The following XPR1 variants were observed in gnomAD, a reference collection of about 807,000 sequenced individuals.
XPR1 encodes the protein xenotropic and polytropic retrovirus receptor 1, also known as solute carrier family 53 member 1.
A neutral mutation model predicts 87.5 loss-of-function variants in XPR1; 28 were observed. The observed-to-expected ratio is 0.32, with a 90% CI of 0.24 to 0.44. The LOEUF is 0.44. XPR1 is among the 20% of genes least tolerant of loss of function. The pLI is 1.00. For synonymous variants in XPR1, 300 were observed against 306.1 expected, an observed-to-expected ratio of 0.98 and a Z score of 0.21; for missense variants, 559 against 862.3, an observed-to-expected ratio of 0.65 and a Z score of 4.41.
At chr1:180,661,174 CT>C (rs1557944822) in intron 1 of XPR1, among the ~76,000 whole-genome samples, 1 of 151,824 alleles carries the variant, frequency 6.6e-6, no homozygotes, top group African/African-American at 2.4e-5. Context: ...TACTCCTGCT[CT>C]TTTTTGGTTT....
At chr1:180,784,881 C>T (rs1204583174) in intron 2 of XPR1, among the ~76,000 whole-genome samples, 2 of 151,876 alleles carry the variant, frequency 1.3e-5, no homozygotes, top group South Asian at 2.1e-4. Flanking sequence ...CTTTTAATTA[C>T]AGTAGTTTAC....
rs200959925 is a variant in XPR1 at position 180,784,054 on chromosome 1, T to TA, written c.122-3690dup. 7.2e-4 allele frequency among the ~76,000 whole-genome samples: 109 copies of TA among 150,842 alleles called. 1 individual carries two copies. In the East Asian group the frequency reaches 0.012, roughly 17 times the overall value. ...TGGGTGACAGAGCAAGACTCTGTCT[T>TA]AAAAAAAAACAAATGGTGAATGAAT... On this transcript the variant is annotated intron_variant, in intron 2 of 14. Transcript: ENST00000367590.
chr1:180,817,367 T>C (rs1019091659), intron 7 of XPR1, among the ~76,000 whole-genome samples: 33 of 152,202 alleles, frequency 2.2e-4, no homozygotes, highest in African/African-American at 7.7e-4. Context: ...AATAGTGTAA[T>C]GTCCTAGGTC....
chr1:180,656,399 A>ATAT (rs1557941215), intron 1 of XPR1, among the ~76,000 whole-genome samples: 9 of 40,400 alleles, frequency 2.2e-4, no homozygotes, highest in Non-Finnish European at 4.0e-4. Flanking sequence ...ATTTATATAT[A>ATAT]AATATTTATA....
chr1:180,760,571 C>A (rs946829732), intron 2 of XPR1, among the ~76,000 whole-genome samples: 2 of 152,212 alleles, frequency 1.3e-5, no homozygotes, highest in East Asian at 1.9e-4. Flanking sequence ...TGTGAAGGAC[C>A]TCTTCAAGGA....
intron 6 of XPR1, among the ~76,000 whole-genome samples, chr1:180,808,658 C>T (rs1417806491): frequency 6.6e-6 from 1 of 152,118 alleles, no homozygotes; most frequent in African/African-American, 2.4e-5. Context: ...AACAGTTCTT[C>T]ACAGATGTAC....
At chr1:180,789,536 A>C (rs1022916617) in intron 3 of XPR1, among the ~76,000 whole-genome samples, 1 of 151,682 alleles carries the variant, frequency 6.6e-6, no homozygotes, top group Admixed American at 6.6e-5. Flanking sequence ...ATTTTATTTC[A>C]GTTTATCATA....
chr1:180,710,593 C>T (rs111831237), intron 2 of XPR1, among the ~76,000 whole-genome samples: 6,550 of 152,258 alleles, frequency 0.043, 506 homozygotes, highest in African/African-American at 0.15. Context: ...TCTCCTATGT[C>T]CACTTCTTTC....
chr1:180,730,653 C>T (rs767338770), intron 2 of XPR1, among the ~76,000 whole-genome samples: 12 of 151,998 alleles, frequency 7.9e-5, no homozygotes, highest in Non-Finnish European at 1.5e-4. Flanking sequence ...TTTTCCCCCA[C>T]TGTGTTATTT....
chr1:180,749,339 A>C (rs1286211115), intron 2 of XPR1, among the ~76,000 whole-genome samples: 1 of 152,246 alleles, frequency 6.6e-6, no homozygotes, highest in Non-Finnish European at 1.5e-5. Context: ...TGTCTAATTT[A>C]GCAGAGAAGT....
chr1:180,726,502 C>G (rs1390947878), intron 2 of XPR1, among the ~76,000 whole-genome samples: 1 of 152,234 alleles, frequency 6.6e-6, no homozygotes, highest in African/African-American at 2.4e-5. Context: ...TGCGGAAACT[C>G]CGGACACAGT....
At chr1:180,824,665 C>T in intron 7 of XPR1, 88 bp from the exon 8 acceptor site, 2 of 1,136,656 alleles carry the variant, frequency 1.8e-6, no homozygotes, top group Non-Finnish European at 2.5e-6. Context: ...TATGCCAGGG[C>T]TATATCATTG....
chr1:180,763,438 T>C (rs759709382), intron 2 of XPR1, among the ~76,000 whole-genome samples: 1 of 152,170 alleles, frequency 6.6e-6, no homozygotes, highest in Non-Finnish European at 1.5e-5. Context: ...CCTCCTTACA[T>C]ATGCAAAAAG....
In XPR1 at chr1:180,883,368, A is replaced by G. The variant is rs559396180; in HGVS notation, c.2031-638A>G. Among the ~76,000 whole-genome samples, 8 of 152,162 alleles carry G rather than the reference A, an allele frequency of 5.3e-5. No homozygotes were observed. In the South Asian group the frequency reaches 1.0e-3, roughly 20 times the overall value. ...ATCGGTGTTACCATTCCTGCCTTACAGAGATGGAAACGGGCACTCAAAGGG... is the reference window on the plus strand; with the variant it reads ...ATCGGTGTTACCATTCCTGCCTTACGGAGATGGAAACGGGCACTCAAAGGG... On this transcript the variant is annotated intron_variant, in intron 14 of 14. Transcript: ENST00000367590.
At chr1:180,807,381 C>T (rs1650039654) in intron 6 of XPR1, among the ~76,000 whole-genome samples, 1 of 152,046 alleles carries the variant, frequency 6.6e-6, no homozygotes, top group Admixed American at 6.6e-5. Flanking sequence ...AATACAAGAC[C>T]AATATGTAAA....
chr1:180,829,439 C>T (rs542449489), intron 9 of XPR1, among the ~76,000 whole-genome samples: 3 of 152,100 alleles, frequency 2.0e-5, no homozygotes, highest in Non-Finnish European at 2.9e-5. Flanking sequence ...TCCCAGAAGG[C>T]GATATCAGAT....
At chr1:180,732,779 C>T (rs1658600943) in intron 2 of XPR1, among the ~76,000 whole-genome samples, 1 of 152,232 alleles carries the variant, frequency 6.6e-6, no homozygotes, top group East Asian at 1.9e-4. Context: ...GACCCTTTAC[C>T]TTGTCGCAAG....
chr1:180,780,074 T>C (rs1648879217), intron 2 of XPR1, among the ~76,000 whole-genome samples: 1 of 152,218 alleles, frequency 6.6e-6, no homozygotes, highest in African/African-American at 2.4e-5. Context: ...CATTTATCCA[T>C]TGGGTTGTTT....
intron 1 of XPR1, among the ~76,000 whole-genome samples, chr1:180,659,596 C>CT (rs1283154382): frequency 8.3e-6 from 1 of 119,988 alleles, no homozygotes; most frequent in African/African-American, 3.3e-5. Context: ...CGCACCCCCA[C>CT]CCCCCACCCC....
Sources: gnomAD v4.1 joint callset for allele counts (sites outside exome capture counted in the v4.1 genomes callset) on GRCh38, gnomAD v4.1.1 for gene constraint, MANE v1.5 for transcripts, NCBI Gene and HGNC (gene_info 2026-07-23, HGNC 2026-07-21) for gene names.